Variants in LARGE1 observed in about 807,000 individuals in gnomAD.
LARGE1 encodes xylosyl- and glucuronyltransferase LARGE1.
LARGE1 carries 43 observed loss-of-function variants against 87.6 expected under a neutral mutation model. The observed-to-expected ratio is 0.49, with a 90% CI of 0.38 to 0.63. LARGE1 has a LOEUF of 0.63. Ranked by LOEUF, LARGE1 falls within the 30% of genes least tolerant of loss-of-function variation. The pLI is 0.00. For synonymous variants in LARGE1, 434 were observed against 394.6 expected (o/e 1.10, Z -1.18); for missense variants, 802 against 1,000.2 (o/e 0.80, Z 2.67).
chr22:33,226,752 C>T (rs973171607), intron 11 of LARGE1, among the ~76,000 whole-genome samples: 3 of 150,318 alleles, frequency 2.0e-5, no homozygotes, highest in African/African-American at 4.9e-5. Flanking sequence ...TTTTTTGAGA[C>T]GGAGTCCCGC....
intron 6 of LARGE1, among the ~76,000 whole-genome samples, chr22:33,540,861 C>T (rs1202062797): frequency 1.3e-5 from 2 of 151,930 alleles, no homozygotes; most frequent in Non-Finnish European, 2.9e-5. Flanking sequence ...CAGACGGGCA[C>T]AGCGGCTCAC....
chr22:33,260,790 A>C (rs571911339), intron 11 of LARGE1, among the ~76,000 whole-genome samples: 4 of 152,294 alleles, frequency 2.6e-5, no homozygotes, highest in Admixed American at 2.6e-4. Flanking sequence ...CCATCCAACC[A>C]GAGCGTTTTA....
At chr22:33,428,480 A>AT (rs2147672295) in intron 7 of LARGE1, among the ~76,000 whole-genome samples, 1 of 151,220 alleles carries the variant, frequency 6.6e-6, no homozygotes, top group East Asian at 2.0e-4. Context: ...TGCCCAGCTA[A>AT]TTTTTTGTAT....
At chr22:33,120,979 G>A in the LARGE1 span, among the ~76,000 whole-genome samples, 3 of 151,920 alleles carry the variant, frequency 2.0e-5, no homozygotes, top group Admixed American at 6.6e-5. Context: ...CTGCTTTTTG[G>A]GATGTGAAGT....
At chr22:33,343,179 A>ATT (rs1455419605) in intron 9 of LARGE1, among the ~76,000 whole-genome samples, 1 of 152,202 alleles carries the variant, frequency 6.6e-6, no homozygotes, top group East Asian at 1.9e-4. Context: ...CCCAGGCTGG[A>ATT]GTACAGTGGT....
intron 2 of LARGE1, among the ~76,000 whole-genome samples, chr22:33,671,926 T>C (rs1287159918): frequency 2.0e-5 from 3 of 152,234 alleles, no homozygotes; most frequent in Non-Finnish European, 4.4e-5. Context: ...TACTGACAAT[T>C]CATCTCCTAA....
intron 11 of LARGE1, among the ~76,000 whole-genome samples, chr22:33,188,347 C>A (rs1325587058): frequency 1.3e-5 from 2 of 152,016 alleles, no homozygotes; most frequent in Non-Finnish European, 2.9e-5. Flanking sequence ...CATTTTGAAC[C>A]GGGTCAATTC....
At chr22:33,482,009 C>T (rs777972497) in intron 6 of LARGE1, among the ~76,000 whole-genome samples, 4 of 152,156 alleles carry the variant, frequency 2.6e-5, no homozygotes, top group Non-Finnish European at 4.4e-5. Context: ...TTCTCACTAC[C>T]TACCAGATAT....
intron 6 of LARGE1, among the ~76,000 whole-genome samples, chr22:33,514,781 C>T (rs960015968): frequency 6.6e-6 from 1 of 152,098 alleles, no homozygotes; most frequent in Non-Finnish European, 1.5e-5. Flanking sequence ...AGTTTCAGTC[C>T]TATTAAAGTG....
At chr22:33,714,742 A>G (rs1014291981) in intron 2 of LARGE1, among the ~76,000 whole-genome samples, 1 of 152,172 alleles carries the variant, frequency 6.6e-6, no homozygotes, top group Non-Finnish European at 1.5e-5. Context: ...GCGTGAAAGA[A>G]CAGCAACCAC....
intron 11 of LARGE1, among the ~76,000 whole-genome samples, chr22:33,232,556 A>G (rs1204132447): frequency 2.6e-5 from 4 of 152,236 alleles, no homozygotes; most frequent in Non-Finnish European, 4.4e-5. Flanking sequence ...TTAGCTTAAA[A>G]TAAGTATTTT....
At chr22:33,768,790 T>A (rs2145796303) in intron 1 of LARGE1, among the ~76,000 whole-genome samples, 1 of 152,284 alleles carries the variant, frequency 6.6e-6, no homozygotes, top group South Asian at 2.1e-4. Flanking sequence ...CCAACCCACC[T>A]CTACTCAAAG....
chr22:33,258,404 G>A (rs115917667), intron 11 of LARGE1, among the ~76,000 whole-genome samples: 2,327 of 152,268 alleles, frequency 0.015, 61 homozygotes, highest in African/African-American at 0.052. Context: ...CTGGGTAAAG[G>A]AGCAAAGGCC....
intron 11 of LARGE1, among the ~76,000 whole-genome samples, chr22:33,256,354 T>C (rs908954302): frequency 2.0e-5 from 3 of 152,182 alleles, no homozygotes; most frequent in African/African-American, 7.2e-5. Flanking sequence ...TGCAGAAAAG[T>C]TGAAAAGAAC....
intron 7 of LARGE1, among the ~76,000 whole-genome samples, chr22:33,409,825 C>T (rs796776112): frequency 4.5e-4 from 66 of 145,710 alleles, no homozygotes; most frequent in African/African-American, 1.6e-3. Context: ...CATGCCACTG[C>T]ACTCCAGCCT....
At chr22:33,482,016 A>G (rs534834889) in intron 6 of LARGE1, among the ~76,000 whole-genome samples, 1 of 152,270 alleles carries the variant, frequency 6.6e-6, no homozygotes, top group Non-Finnish European at 1.5e-5. Context: ...TACCTACCAG[A>G]TATTATTACC....
intron 11 of LARGE1, among the ~76,000 whole-genome samples, chr22:33,251,892 G>C (rs8184970): frequency 0.026 from 3,904 of 152,252 alleles, 63 homozygotes; most frequent in African/African-American, 0.036. Context: ...CCAGTTGAGT[G>C]AACATTTAAT....
chr22:33,473,520 T>G (rs1240416794), intron 6 of LARGE1, among the ~76,000 whole-genome samples: 1 of 152,158 alleles, frequency 6.6e-6, no homozygotes, highest in African/African-American at 2.4e-5. Flanking sequence ...GCCCAGCTAA[T>G]TTTTGTATTT....
intron 6 of LARGE1, among the ~76,000 whole-genome samples, chr22:33,531,561 C>A (rs1168545884): frequency 6.6e-6 from 1 of 152,238 alleles, no homozygotes; most frequent in African/African-American, 2.4e-5. Context: ...GATTAATTTA[C>A]TGACTGAAGA....
Sources: allele counts gnomAD v4.1 joint callset (sites outside exome capture counted in the v4.1 genomes callset), GRCh38; gene constraint gnomAD v4.1.1; transcripts MANE v1.5; gene names NCBI Gene and HGNC (gene_info 2026-07-23, HGNC 2026-07-21).